Variants in FAM107B observed in about 807,000 individuals in gnomAD.
FAM107B encodes protein FAM107B.
A neutral mutation model predicts 31.5 loss-of-function variants in FAM107B; 21 were observed. The observed-to-expected ratio is 0.67, with a 90% confidence interval of 0.47 to 0.96. The LOEUF (loss-of-function observed/expected upper bound fraction) is 0.96, where lower values mean the gene tolerates loss of function less well. FAM107B is among the 40% of genes least tolerant of loss of function. The pLI is 0.00. For synonymous variants in FAM107B, 157 were observed against 141.5 expected (o/e 1.11, Z -0.78); for missense variants, 452 against 377.1 (o/e 1.20, Z -1.64).
intron 1 of FAM107B, among the ~76,000 whole-genome samples, chr10:14,760,906 A>G (rs2688868): frequency 0.14 from 20,529 of 150,216 alleles, 1,680 homozygotes; most frequent in East Asian, 0.28. Flanking sequence ...CAGCTACTCG[A>G]GAGACTGAGG....
intron 2 of FAM107B, among the ~76,000 whole-genome samples, chr10:14,658,207 A>G (rs1221310154): frequency 2.0e-5 from 3 of 152,212 alleles, no homozygotes; most frequent in African/African-American, 7.2e-5. Flanking sequence ...ACTAAAATAC[A>G]AGCTATGATA....
intron 2 of FAM107B, among the ~76,000 whole-genome samples, chr10:14,629,871 A>C (rs1263927848): frequency 6.6e-6 from 1 of 152,110 alleles, no homozygotes; most frequent in Non-Finnish European, 1.5e-5. Context: ...ATATAAATTT[A>C]GAAAAAAAAC....
chr10:14,589,637 A>C (rs1281351962), intron 2 of FAM107B, among the ~76,000 whole-genome samples: 1 of 152,124 alleles, frequency 6.6e-6, no homozygotes, highest in African/African-American at 2.4e-5. Flanking sequence ...GGTGAATAAG[A>C]GTACATTCTT....
intron 2 of FAM107B, among the ~76,000 whole-genome samples, chr10:14,600,764 A>G (rs1233739354): frequency 6.6e-6 from 1 of 150,594 alleles, no homozygotes; most frequent in Non-Finnish European, 1.5e-5. Flanking sequence ...TTCAGCCTCC[A>G]GGGTAGCTGG....
intron 1 of FAM107B, among the ~76,000 whole-genome samples, chr10:14,694,514 G>A (rs1242926503): frequency 6.6e-6 from 1 of 152,144 alleles, no homozygotes; most frequent in Non-Finnish European, 1.5e-5. Flanking sequence ...CTCCCGAGTA[G>A]CTGGGATTAC....
intron 2 of FAM107B, among the ~76,000 whole-genome samples, chr10:14,664,281 C>G (rs1854349289): frequency 6.6e-6 from 1 of 152,194 alleles, no homozygotes; most frequent in Non-Finnish European, 1.5e-5. Context: ...TAAAGGCTAC[C>G]ATTTCTCTAT....
chr10:14,570,094 T>C (rs938910452), intron 2 of FAM107B, among the ~76,000 whole-genome samples: 2 of 152,212 alleles, frequency 1.3e-5, no homozygotes, highest in Non-Finnish European at 2.9e-5. Context: ...GCATTTATCA[T>C]TGCTACAGAA....
chr10:14,755,726 T>C (rs1422692150), intron 1 of FAM107B, among the ~76,000 whole-genome samples: 1 of 152,186 alleles, frequency 6.6e-6, no homozygotes, highest in Non-Finnish European at 1.5e-5. Context: ...CACAAGGTGT[T>C]TATATCTTTA....
intron 2 of FAM107B, among the ~76,000 whole-genome samples, chr10:14,599,258 C>T (rs7092317): frequency 0.022 from 3,327 of 152,246 alleles, 80 homozygotes; most frequent in East Asian, 0.12. Context: ...TTCTAAGTCT[C>T]CCGACTGCTA....
intron 1 of FAM107B, among the ~76,000 whole-genome samples, chr10:14,693,487 A>AG (rs1279015964): frequency 6.6e-6 from 1 of 151,924 alleles, no homozygotes; most frequent in African/African-American, 2.4e-5. Flanking sequence ...AAAAAAAAAA[A>AG]AAGGTATACA....
intron 1 of FAM107B, among the ~76,000 whole-genome samples, chr10:14,711,347 G>T (rs1453443128): frequency 6.6e-6 from 1 of 152,202 alleles, no homozygotes; most frequent in East Asian, 1.9e-4. Context: ...TTCCAGTCCT[G>T]CAAGCTCCAT....
At chr10:14,647,259 C>T (rs754343552) in intron 2 of FAM107B, among the ~76,000 whole-genome samples, 21 of 152,124 alleles carry the variant, frequency 1.4e-4, no homozygotes, top group East Asian at 1.9e-4. Flanking sequence ...AGAAGAATTC[C>T]GGGAGCTGTG....
intron 2 of FAM107B, among the ~76,000 whole-genome samples, chr10:14,646,947 C>G (rs955108039): frequency 2.0e-5 from 3 of 152,060 alleles, no homozygotes; most frequent in Admixed American, 6.6e-5. Context: ...GCACCCACCA[C>G]CAGGCCTGGC....
At chr10:14,562,361 A>G (rs776739848) in intron 2 of FAM107B, among the ~76,000 whole-genome samples, 1 of 152,242 alleles carries the variant, frequency 6.6e-6, no homozygotes, top group Non-Finnish European at 1.5e-5. Context: ...AGTCACTGAC[A>G]CATTTAACTA....
Position 14,609,509 on chromosome 10 carries a change from G to C in FAM107B, c.469+58125C>G, listed in dbSNP as rs561350990. On this transcript the variant is annotated intron_variant, in intron 2 of 4. Transcript: ENST00000181796. ...AAAGGCTGCCCAGAAACCTCATCATGTGGCCCTCCCCATCTTCCAGTCAGC... is the reference window on the plus strand; with the variant it reads ...AAAGGCTGCCCAGAAACCTCATCATCTGGCCCTCCCCATCTTCCAGTCAGC... 1.3e-3 allele frequency among the ~76,000 whole-genome samples: 201 copies of C among 152,264 alleles called. 1 individual carries two copies. Among genetic ancestry groups the C allele is most frequent in the African/African-American group, 4.1e-3 (171 of 41,552 alleles).
At chr10:14,591,298 A>G (rs1216793148) in intron 2 of FAM107B, among the ~76,000 whole-genome samples, 1 of 152,238 alleles carries the variant, frequency 6.6e-6, no homozygotes, top group African/African-American at 2.4e-5. Flanking sequence ...GCACATATGC[A>G]CAGAATTTAA....
chr10:14,598,641 G>A (rs1852264874), intron 2 of FAM107B, among the ~76,000 whole-genome samples: 1 of 152,184 alleles, frequency 6.6e-6, no homozygotes, highest in Non-Finnish European at 1.5e-5. Context: ...CACTGCACCT[G>A]CAGTCAACAA....
chr10:14,723,626 T>C, intron 1 of FAM107B: 2 of 707,266 alleles, frequency 2.8e-6, no homozygotes, highest in Non-Finnish European at 2.6e-6. Context: ...AGAGCAATGA[T>C]GGGAAGGTTA....
In FAM107B at chr10:14,530,367, T is replaced by C; in HGVS notation, c.618A>G (p.Gln206=). 2 of 1,613,990 alleles carry C rather than the reference T, an allele frequency of 1.2e-6. No homozygotes were observed. The highest frequency in any genetic ancestry group is 1.3e-5 in the African/African-American group (1 of 75,052). The change falls in exon 3 of 5, where the codon CAA becomes CAG. Residue 206 remains glutamine, a synonymous_variant. Transcript: ENST00000181796. ...INPVKTSRNH[Q]DLHRELLMNQ... is the part of the protein sequence containing the mutation. ...TCATAAGAAGTTCTCTGTGAAGATC[T>C]TGATGGTTCCGGGAGGTTTTTACAG...
Sources: gnomAD v4.1 joint callset for allele counts (sites outside exome capture counted in the v4.1 genomes callset) on GRCh38, gnomAD v4.1.1 for gene constraint, MANE v1.5 for transcripts, NCBI Gene and HGNC (gene_info 2026-07-23, HGNC 2026-07-21) for gene names.